The following CLIC5 variants were observed in gnomAD, a reference collection of about 807,000 sequenced individuals.
CLIC5 encodes CLIC family member 5.
A neutral mutation model predicts 24.7 loss-of-function variants in CLIC5; 20 were observed. The ratio of observed to expected loss-of-function variants is 0.81; its 90% CI spans 0.57 to 1.18. The LOEUF (loss-of-function observed/expected upper bound fraction) is 1.18. Among genes scored for constraint, CLIC5 ranks in the 50% most tolerant of loss-of-function variants. The pLI is 0.00. For synonymous variants in CLIC5, 159 were observed against 135.6 expected (o/e 1.17, Z -1.20); for missense variants, 341 against 326.1 (o/e 1.05, Z -0.35).
rs751320832 is a variant in CLIC5 at position 45,900,531 on chromosome 6, C to CAAACAAAAAAA, written c.*2556_*2557insTTTTTTTGTTT. 2.3e-5 allele frequency: 3 copies of CAAACAAAAAAA among 128,750 alleles called. No homozygotes were observed. The South Asian group carries it at 7.6e-4, about 33-fold the overall frequency. 8.0% of individuals were successfully genotyped at this position (128,750 alleles called of 1,614,324 possible). On this transcript the variant is annotated 3_prime_UTR_variant, in exon 6 of 6. Transcript: ENST00000339561. ...ATCTGGAGAAAGATCTCTTTTGAAA[C>CAAACAAAAAAA]AAAAAAAAAAAGGAAGGTAATATTA...
At chr6:46,111,976 C>T in the CLIC5 span, among the ~76,000 whole-genome samples, 1 of 133,206 alleles carries the variant, frequency 7.5e-6, no homozygotes. Flanking sequence ...GCCTCCCCAG[C>T]CACGTGGAAT....
At chr6:46,020,914 T>C (rs1343132479) in intron 1 of CLIC5, among the ~76,000 whole-genome samples, 1 of 151,724 alleles carries the variant, frequency 6.6e-6, no homozygotes, top group African/African-American at 2.4e-5. Flanking sequence ...CATATTAAAT[T>C]CATAGTTGAA....
chr6:45,916,444 A>G (rs1763035718), intron 4 of CLIC5, among the ~76,000 whole-genome samples: 2 of 152,170 alleles, frequency 1.3e-5, no homozygotes, highest in African/African-American at 4.8e-5. Flanking sequence ...CAATCCCTCT[A>G]CCCCTTTCAT....
chr6:45,939,461 G>A (rs1157357815), intron 4 of CLIC5, among the ~76,000 whole-genome samples: 1 of 151,898 alleles, frequency 6.6e-6, no homozygotes, highest in Non-Finnish European at 1.5e-5. Context: ...TACAGTGCTG[G>A]GATGTAGTCA....
chr6:45,989,296 A>C (rs1484498580), intron 1 of CLIC5, among the ~76,000 whole-genome samples: 1 of 152,150 alleles, frequency 6.6e-6, no homozygotes, highest in Non-Finnish European at 1.5e-5. Context: ...CTTCTCTGAC[A>C]ATTAGCCTCA....
At chr6:46,048,472 C>G (rs1768016031) in intron 1 of CLIC5, among the ~76,000 whole-genome samples, 1 of 152,132 alleles carries the variant, frequency 6.6e-6, no homozygotes. Context: ...TTCAAATACT[C>G]TCTCTGCTTG....
chr6:46,035,816 C>T (rs2127458073), intron 1 of CLIC5, among the ~76,000 whole-genome samples: 1 of 152,036 alleles, frequency 6.6e-6, no homozygotes, highest in African/African-American at 2.4e-5. Context: ...GCGATCTCAG[C>T]TCACTGCAAC....
intron 4 of CLIC5, among the ~76,000 whole-genome samples, chr6:45,922,129 A>G (rs1293087341): frequency 6.6e-6 from 1 of 152,162 alleles, no homozygotes; most frequent in Non-Finnish European, 1.5e-5. Context: ...ACGTGGTGCC[A>G]TGGGTATTAT....
intron 1 of CLIC5, among the ~76,000 whole-genome samples, chr6:45,968,739 C>T (rs1191397384): frequency 6.6e-6 from 1 of 152,164 alleles, no homozygotes; most frequent in Non-Finnish European, 1.5e-5. Context: ...AATATGAGTG[C>T]TATGAATTTG....
the CLIC5 span, among the ~76,000 whole-genome samples, chr6:46,085,912 C>A: frequency 0.14 from 20,986 of 152,252 alleles, 1,879 homozygotes; most frequent in South Asian, 0.33. Flanking sequence ...TCAAGTTTCC[C>A]GGCTGCTTTG....
chr6:45,959,409 T>C (rs916202771), intron 1 of CLIC5, among the ~76,000 whole-genome samples: 6 of 152,248 alleles, frequency 3.9e-5, no homozygotes, highest in African/African-American at 1.4e-4. Context: ...ACAAGAAATT[T>C]AGTAAAAGTG....
intron 5 of CLIC5, among the ~76,000 whole-genome samples, chr6:45,905,310 C>T (rs1024648579): frequency 1.3e-5 from 2 of 152,084 alleles, no homozygotes; most frequent in African/African-American, 4.8e-5. Flanking sequence ...TCCAGAGTGA[C>T]TGAACTAATT....
chr6:46,079,689 G>C (rs1394425993), intron 1 of CLIC5: 1 of 1,544,428 alleles, frequency 6.5e-7, no homozygotes, highest in Non-Finnish European at 8.8e-7. Context: ...ATGCCTGTCA[G>C]AGGCAGACCT....
At chr6:46,069,766 C>CA (rs1331587649) in intron 1 of CLIC5, among the ~76,000 whole-genome samples, 1 of 151,708 alleles carries the variant, frequency 6.6e-6, no homozygotes, top group African/African-American at 2.4e-5. Context: ...AGAGATACAG[C>CA]AAAAAAAGAA....
upstream of CLIC5, among the ~76,000 whole-genome samples, chr6:46,081,008 A>T (rs1004247042): frequency 6.6e-6 from 1 of 152,246 alleles, no homozygotes; most frequent in African/African-American, 2.4e-5. Flanking sequence ...TATCATATAC[A>T]GAATGCTGAA....
At chr6:46,079,010 G>A (rs1245596833) in intron 1 of CLIC5, among the ~76,000 whole-genome samples, 1 of 152,052 alleles carries the variant, frequency 6.6e-6, no homozygotes, top group African/African-American at 2.4e-5. Flanking sequence ...GGAGATGTTG[G>A]GGAAAAAGGG....
chr6:45,885,529 G>T (rs914311168), intron 6 of CLIC5, among the ~76,000 whole-genome samples: 4 of 152,182 alleles, frequency 2.6e-5, no homozygotes, highest in African/African-American at 9.7e-5. Flanking sequence ...TTGAAAGAGT[G>T]GGCGGTTATC....
At chr6:46,072,844 T>C (rs1489884830) in intron 1 of CLIC5, among the ~76,000 whole-genome samples, 4 of 152,206 alleles carry the variant, frequency 2.6e-5, no homozygotes, top group Admixed American at 2.0e-4. Flanking sequence ...ATAGTTAACA[T>C]TTCTGAGAGT....
chr6:45,881,211 A>T (rs1398971002), intron 6 of CLIC5: 27 of 398,236 alleles, frequency 6.8e-5, no homozygotes. Context: ...AAACAACAGG[A>T]TTTGAGTTGG....
Sources: gnomAD v4.1 joint callset for allele counts (sites outside exome capture counted in the v4.1 genomes callset) on GRCh38, gnomAD v4.1.1 for gene constraint, MANE v1.5 for transcripts, NCBI Gene and HGNC (gene_info 2026-07-23, HGNC 2026-07-21) for gene names.